The following SIPA1L3 variants were observed in gnomAD, a reference collection of about 807,000 sequenced individuals.
The protein encoded by SIPA1L3 is signal-induced proliferation-associated 1-like protein 3.
A neutral mutation model predicts 150.1 loss-of-function variants in SIPA1L3; 59 were observed. That is an observed-to-expected ratio of 0.39 (90% CI 0.32 to 0.49). SIPA1L3 has a LOEUF of 0.49. Ranked by LOEUF, SIPA1L3 falls within the 20% of genes least tolerant of loss-of-function variation. The pLI, the probability that SIPA1L3 is intolerant of heterozygous loss-of-function variation, is 0.86. For missense variants in SIPA1L3, 2,211 were observed against 2,489.5 expected (o/e 0.89, Z 2.38); for synonymous variants, 1,070 against 1,077.6 (o/e 0.99, Z 0.14).
chr19:38,193,475 C>A, intron 17 of SIPA1L3, 62 bp from the exon 18 acceptor site: 1 of 1,405,362 alleles, frequency 7.1e-7, no homozygotes, highest in African/African-American at 1.5e-5. Context: ...GAAGATGCCT[C>A]TGAGGACCCT....
chr19:38,165,175 C>T (rs915895109), intron 15 of SIPA1L3, among the ~76,000 whole-genome samples: 1 of 152,164 alleles, frequency 6.6e-6, no homozygotes, highest in Admixed American at 6.6e-5. Flanking sequence ...CCCTCTGTCT[C>T]TTTTTTCTTT....
Position 37,939,399 on chromosome 19 carries a change from CAA to C in SIPA1L3, c.-379+32061_-379+32062del, listed in dbSNP as rs753230257. 6.4e-4 allele frequency among the ~76,000 whole-genome samples: 44 copies of C among 69,182 alleles called. 1 individual carries two copies. The South Asian group carries it at 9.7e-3, about 15-fold the overall frequency. 45.4% of individuals were successfully genotyped at this position (69,182 alleles called of 152,430 possible). ...TGGGCGACAGAGTGAGACTCCATGT[CAA>C]AAAAAAAAAAAAAAAAAAAGGATTA... On this transcript the variant is annotated intron_variant, in intron 1 of 21. Coordinates refer to ENST00000222345, the MANE Select transcript of SIPA1L3 (RefSeq NM_015073.3).
intron 10 of SIPA1L3, chr19:38,131,861 G>C (rs551771868): frequency 1.3e-5 from 2 of 151,822 alleles, no homozygotes; most frequent in Admixed American, 6.6e-5. Context: ...TCAATCTCTT[G>C]TCCTCGTGAT....
intron 3 of SIPA1L3, among the ~76,000 whole-genome samples, chr19:38,085,497 AAAG>A (rs1970107058): frequency 2.0e-5 from 3 of 151,972 alleles, no homozygotes; most frequent in East Asian, 1.9e-4. Flanking sequence ...AAAAAAAAAA[AAAG>A]AAGTTCCAGA....
At chr19:37,938,616 TC>T in intron 1 of SIPA1L3, among the ~76,000 whole-genome samples, 1 of 151,104 alleles carries the variant, frequency 6.6e-6, no homozygotes, top group Admixed American at 6.6e-5. Context: ...TTTCTTTTTT[TC>T]TTTTTTCTTT....
At chr19:38,095,774 G>GTT (rs1434141601) in intron 4 of SIPA1L3, among the ~76,000 whole-genome samples, 1 of 152,260 alleles carries the variant, frequency 6.6e-6, no homozygotes, top group African/African-American at 2.4e-5. Context: ...TGCTGAAGGA[G>GTT]TTTTTCAAGT....
At chr19:38,134,564 G>A (rs952493833) in intron 10 of SIPA1L3, among the ~76,000 whole-genome samples, 7 of 151,346 alleles carry the variant, frequency 4.6e-5, no homozygotes, top group Non-Finnish European at 8.8e-5. Flanking sequence ...AAAATTAGCC[G>A]GGCATGGTAG....
At chr19:38,092,707 G>A (rs1195541509) in intron 4 of SIPA1L3, among the ~76,000 whole-genome samples, 1 of 152,200 alleles carries the variant, frequency 6.6e-6, no homozygotes, top group East Asian at 1.9e-4. Context: ...AGCAAACAAG[G>A]CAGCAAAGAT....
At chr19:37,919,081 G>A (rs1456643448) in intron 1 of SIPA1L3, among the ~76,000 whole-genome samples, 2 of 151,962 alleles carry the variant, frequency 1.3e-5, no homozygotes, top group African/African-American at 4.8e-5. Context: ...CAGTGGATGG[G>A]GTGTGGGGAA....
chr19:37,948,797 A>G (rs894177661), intron 1 of SIPA1L3, among the ~76,000 whole-genome samples: 6 of 152,150 alleles, frequency 3.9e-5, no homozygotes, highest in Non-Finnish European at 8.8e-5. Flanking sequence ...CTACTGTTTT[A>G]TTAGAAGTGA....
At chr19:38,129,973 A>G (rs1311059006) in intron 9 of SIPA1L3, among the ~76,000 whole-genome samples, 1 of 152,154 alleles carries the variant, frequency 6.6e-6, no homozygotes, top group Non-Finnish European at 1.5e-5. Context: ...AGGCTGAGGC[A>G]GGAGAATCGC....
intron 1 of SIPA1L3, among the ~76,000 whole-genome samples, chr19:37,929,615 C>T (rs2046535098): frequency 6.6e-6 from 1 of 152,132 alleles, no homozygotes; most frequent in African/African-American, 2.4e-5. Context: ...CACTCACTCA[C>T]TCTGCCCAGA....
chr19:37,969,149 A>G (rs982280951), intron 1 of SIPA1L3, among the ~76,000 whole-genome samples: 1 of 151,844 alleles, frequency 6.6e-6, no homozygotes, highest in African/African-American at 2.4e-5. Flanking sequence ...TGAGAGGATC[A>G]CTTGAGCTAG....
rs533675522 is a variant in SIPA1L3, at chr19:38,081,320, C to T, written c.-246C>T. 985 of 476,604 alleles carry T rather than the reference C, an allele frequency of 2.1e-3. 2 individuals are homozygous for T. Among genetic ancestry groups the T allele is most frequent in the African/African-American group, 4.2e-3 (218 of 52,104 alleles). 29.5% of individuals were successfully genotyped at this position (476,604 alleles called of 1,614,324 possible). ...GCGACCACAGCTACTGCCTGCTCTG[C>T]GCTACTGAGCCACTCGGTCTGGAGC... On this transcript the variant is annotated 5_prime_UTR_variant, in exon 3 of 22. Coordinates refer to ENST00000222345, the MANE Select transcript of SIPA1L3 (RefSeq NM_015073.3).
intron 7 of SIPA1L3, chr19:38,109,789 G>A (rs555092872): frequency 1.8e-5 from 3 of 163,750 alleles, no homozygotes; most frequent in African/African-American, 7.1e-5. Flanking sequence ...AAAATGAAGT[G>A]GGGAAAGCCA....
chr19:38,006,009 G>A (rs989164631), intron 1 of SIPA1L3, among the ~76,000 whole-genome samples: 1 of 152,240 alleles, frequency 6.6e-6, no homozygotes, highest in Non-Finnish European at 1.5e-5. Context: ...TGCACTGCAA[G>A]CCTGGGCGAC....
intron 1 of SIPA1L3, among the ~76,000 whole-genome samples, chr19:37,993,514 G>A (rs1172198358): frequency 6.6e-6 from 1 of 152,052 alleles, no homozygotes; most frequent in Non-Finnish European, 1.5e-5. Flanking sequence ...TGTATTTTTA[G>A]TAGAGACAGC....
intron 9 of SIPA1L3, among the ~76,000 whole-genome samples, chr19:38,124,995 A>AGAGAGGGAGAGG (rs956029737): frequency 2.9e-5 from 3 of 103,078 alleles, no homozygotes; most frequent in African/African-American, 1.5e-4. Context: ...GACTGTGGAA[A>AGAGAGGGAGAGG]GAGAGGGAGA....
chr19:38,106,824 C>T (rs958468889), intron 7 of SIPA1L3, among the ~76,000 whole-genome samples, 184 bp downstream of exon 7: 1 of 152,204 alleles, frequency 6.6e-6, no homozygotes, highest in Non-Finnish European at 1.5e-5. Flanking sequence ...TCACTTTGGC[C>T]CCAGTCTTTC....
Sources: gnomAD v4.1 joint callset for allele counts (sites outside exome capture counted in the v4.1 genomes callset) on GRCh38, gnomAD v4.1.1 for gene constraint, MANE v1.5 for transcripts, NCBI Gene and HGNC (gene_info 2026-07-23, HGNC 2026-07-21) for gene names.